APOOL: variants seen among roughly 807,000 people sequenced by gnomAD.
APOOL encodes the protein MICOS complex subunit MIC27.
A neutral mutation model predicts 23.1 loss-of-function variants in APOOL; 12 were observed. That is an observed-to-expected ratio of 0.52 (90% CI 0.33 to 0.84). APOOL has a LOEUF of 0.84. APOOL is among the 40% of genes least tolerant of loss of function. The pLI, the probability that APOOL is intolerant of heterozygous loss-of-function variation, is 0.02. For synonymous variants in APOOL, 77 were observed against 69.9 expected, an observed-to-expected ratio of 1.10 and a Z score of -0.51; for missense variants, 212 against 199.6, an observed-to-expected ratio of 1.06 and a Z score of -0.37.
intron 6 of APOOL, among the ~76,000 whole-genome samples, chrX:85,070,812 A>G (rs927537848): frequency 9.4e-6 from 1 of 106,516 alleles, no homozygotes; most frequent in Non-Finnish European, 2.0e-5. Flanking sequence ...TATTCTGCGT[A>G]TATGTCCAAA....
At chrX:85,020,978 C>G (rs903721395) in intron 1 of APOOL, among the ~76,000 whole-genome samples, 2 of 112,026 alleles carry the variant, frequency 1.8e-5, no homozygotes, top group Non-Finnish European at 3.8e-5. Context: ...GGCAAGGCCA[C>G]CCCTAGTGAC....
chrX:85,004,701 C>T (rs906948451), intron 1 of APOOL, among the ~76,000 whole-genome samples: 1 of 111,881 alleles, frequency 8.9e-6, no homozygotes, highest in African/African-American at 3.3e-5. Flanking sequence ...ATTTGAACAA[C>T]CTCCTACCTG....
intron 1 of APOOL, 26 bp from the exon 2 acceptor site, chrX:85,046,420 A>C: frequency 8.8e-7 from 1 of 1,133,036 alleles, no homozygotes; most frequent in Non-Finnish European, 1.2e-6. Context: ...TCAACTAAAA[A>C]GATGTTTTTG....
intron 8 of APOOL, among the ~76,000 whole-genome samples, chrX:85,085,975 A>C (rs902721671): frequency 2.0e-4 from 23 of 112,270 alleles, no homozygotes; most frequent in Non-Finnish European, 4.3e-4. Flanking sequence ...TAACCTCTCC[A>C]AATTAAAATT....
intron 8 of APOOL, among the ~76,000 whole-genome samples, chrX:85,076,093 G>A (rs1450433838): frequency 9.1e-6 from 1 of 110,105 alleles, no homozygotes; most frequent in African/African-American, 3.3e-5. Flanking sequence ...GATTCATAAG[G>A]GCACTACTGA....
chrX:85,057,191 A>G (rs2147650494), intron 5 of APOOL, among the ~76,000 whole-genome samples: 1 of 110,782 alleles, frequency 9.0e-6, no homozygotes, highest in Non-Finnish European at 1.9e-5. Context: ...CAGATTTTTC[A>G]TTTCTCCAAG....
intron 5 of APOOL, among the ~76,000 whole-genome samples, chrX:85,060,940 G>A (rs1290151035): frequency 1.8e-5 from 2 of 110,993 alleles, no homozygotes; most frequent in African/African-American, 3.3e-5. Context: ...GGTGAGAGGG[G>A]GCTTCCCTGT....
At chrX:85,063,603 C>T (rs890335614) in intron 5 of APOOL, among the ~76,000 whole-genome samples, 2 of 111,442 alleles carry the variant, frequency 1.8e-5, no homozygotes, top group African/African-American at 6.5e-5. Context: ...AAGGCCTTTT[C>T]TGCGTCTATT....
chrX:85,082,201 C>T (rs757594245), intron 8 of APOOL, among the ~76,000 whole-genome samples: 3 of 111,943 alleles, frequency 2.7e-5, no homozygotes, highest in African/African-American at 9.7e-5. Context: ...AGATTTTCTA[C>T]TCTGGTTTCT....
chrX:85,066,039 C>T (rs749439031), intron 5 of APOOL, among the ~76,000 whole-genome samples: 10 of 111,173 alleles, frequency 9.0e-5, no homozygotes, highest in East Asian at 5.6e-4. Context: ...TAAACCAGAC[C>T]GAGATAGACC....
At chrX:85,012,150 C>T (rs753689098) in intron 1 of APOOL, among the ~76,000 whole-genome samples, 1 of 111,376 alleles carries the variant, frequency 9.0e-6, no homozygotes, top group East Asian at 2.8e-4. Context: ...TCAGCTTGAT[C>T]GTTGTTGGTG....
Position 85,093,136 on chromosome X carries a change from T to C in APOOL, c.*5458T>C. The stretch of plus-strand genomic sequence containing the variant: ...TTAATTTATGCCCTGTGAATATTTA[T>C]TAAGAAAAGGTTAATGTATAGAATA... On this transcript the variant is annotated 3_prime_UTR_variant, in exon 9 of 9. Coordinates refer to ENST00000373173, the MANE Select transcript of APOOL (RefSeq NM_198450.6). 9.2e-7 allele frequency: 1 copy of C among 1,088,254 alleles called. No homozygotes were observed. Among genetic ancestry groups the C allele is most frequent in the South Asian group, 2.1e-5 (1 of 47,430 alleles). 89.7% of individuals were successfully genotyped at this position (1,088,254 alleles called of 1,213,427 possible). A position where few individuals can be genotyped will look rare whatever the true frequency, so the allele number is the denominator to read the frequency against.
In APOOL at chrX:85,067,165, G is replaced by A. The variant is rs772448310; in HGVS notation, c.433G>A (p.Ala145Thr). Residue 145 changes from alanine (A) to threonine (T), a missense_variant, in exon 6 of 9, where the codon GCC (alanine) becomes ACC (threonine). Coordinates refer to ENST00000373173, the MANE Select transcript of APOOL (RefSeq NM_198450.6). ...FKKITYPLGL[A>T]TLGATVCYPV... The stretch of plus-strand genomic sequence containing the variant: ...GAAAATTACTTATCCTCTGGGACTG[G>A]CCACTTTAGGAGCAACTGTTTGCTA... 1.7e-6 allele frequency: 2 copies of A among 1,158,850 alleles called. No homozygotes were observed. Among genetic ancestry groups the A allele is most frequent in the East Asian group, 6.5e-5 (2 of 30,883 alleles).
rs748767253 is a variant in APOOL at position 85,016,204 on chromosome X, T to C, written c.15+12277T>C. ...TCACCAGTTGTGGCTAAGATAGGGT[T>C]GGTACAAAAGGAATTGAGGTTTTTG... On this transcript the variant is annotated intron_variant, in intron 1 of 8. Transcript: ENST00000373173. 7.8e-4 allele frequency among the ~76,000 whole-genome samples: 83 copies of C among 106,057 alleles called. 1 individual carries two copies. Among genetic ancestry groups the C allele is most frequent in the African/African-American group, 2.7e-3 (79 of 29,337 alleles). 92.1% of individuals were successfully genotyped at this position (106,057 alleles called of 115,157 possible).
chrX:85,064,396 C>G (rs1036868213), intron 5 of APOOL, among the ~76,000 whole-genome samples: 3 of 100,597 alleles, frequency 3.0e-5, no homozygotes, highest in African/African-American at 1.1e-4. Context: ...AGCTCTGAAG[C>G]TTGGTTATTT....
chrX:85,043,293 C>T (rs1922460606), intron 1 of APOOL, among the ~76,000 whole-genome samples: 2 of 111,313 alleles, frequency 1.8e-5, no homozygotes, highest in Non-Finnish European at 3.8e-5. Context: ...TATCTCTGCT[C>T]ACTTTTAATG....
In APOOL at chrX:85,074,071, G is replaced by A; in HGVS notation, c.560G>A (p.Ser187Asn). 2 of 1,169,356 alleles carry A rather than the reference G, an allele frequency of 1.7e-6. No individual in the cohort carries two copies. The highest frequency in any genetic ancestry group is 1.1e-6 in the Non-Finnish European group (1 of 873,866). ...GTTAAATCATTGTGGACAAAAAGCA[G>A]CAAAGAAGAGTCACTCCCTAAACCT... Reference protein sequence around the residue: ...GAVKSLWTKSSKEESLPKPKE... With the variant: ...GAVKSLWTKSNKEESLPKPKE... Residue 187 changes from serine (S) to asparagine (N), a missense_variant, in exon 7 of 9, where the codon AGC becomes AAC. Transcript: ENST00000373173.
At position 85,078,424 on chromosome X, in the gene APOOL, T is replaced by G. The variant is rs773211180; in HGVS notation, c.718+4033T>G. On this transcript the variant is annotated intron_variant, in intron 8 of 8. Transcript: ENST00000373173. ...TAGATGTGTGGTGTTACTTCTGAGG[T>G]GTCTGTTCTGTTCCATTGGTCTATC... is the stretch of plus-strand genomic sequence containing the variant. 5.4e-3 allele frequency among the ~76,000 whole-genome samples: 595 copies of G among 111,126 alleles called. 6 individuals are homozygous for G. The highest frequency in any genetic ancestry group is 0.019 in the African/African-American group (567 of 30,560).
At chrX:85,013,866 C>T (rs753883912) in intron 1 of APOOL, among the ~76,000 whole-genome samples, 1 of 111,391 alleles carries the variant, frequency 9.0e-6, no homozygotes, top group Non-Finnish European at 1.9e-5. Flanking sequence ...TCCATTGTTT[C>T]TTTGTTGACT....
Sources: gnomAD v4.1 joint callset for allele counts (sites outside exome capture counted in the v4.1 genomes callset) on GRCh38, gnomAD v4.1.1 for gene constraint, MANE v1.5 for transcripts, NCBI Gene and HGNC (gene_info 2026-07-23, HGNC 2026-07-21) for gene names.